The following INPP4B variants were observed in gnomAD, a reference collection of about 807,000 sequenced individuals.
The protein encoded by INPP4B is inositol polyphosphate-4-phosphatase type II B.
In INPP4B, 55 loss-of-function variants were observed where a neutral mutation model predicts 122.5. That is an observed-to-expected ratio of 0.45 (90% CI 0.36 to 0.56). INPP4B has a LOEUF of 0.56. INPP4B is among the 20% of genes least tolerant of loss of function. The pLI, the probability that INPP4B is intolerant of heterozygous loss-of-function variation, is 0.00. For synonymous variants in INPP4B, 403 were observed against 388.7 expected, an observed-to-expected ratio of 1.04 and a Z score of -0.43; for missense variants, 1,000 against 1,097.7, an observed-to-expected ratio of 0.91 and a Z score of 1.26.
At chr4:142,299,144 T>TTTTC (rs1185955339) in intron 9 of INPP4B, among the ~76,000 whole-genome samples, 2 of 146,304 alleles carry the variant, frequency 1.4e-5, no homozygotes, top group African/African-American at 2.6e-5. Flanking sequence ...TTCACTTTTT[T>TTTTC]TTTCTTTCTT....
In INPP4B at chr4:142,545,133, T is replaced by C. The variant is rs1415142887; in HGVS notation, c.-190-82407A>G. 2.0e-5 allele frequency among the ~76,000 whole-genome samples: 3 copies of C among 152,128 alleles called. No individual in the cohort carries two copies. The East Asian group carries it at 5.8e-4, about 29-fold the overall frequency. ...TGTATCTGTGTTAATGTTCCAAGAGTAATTGGTATACAGTATTATAATAAA... is the reference window on the plus strand; with the variant it reads ...TGTATCTGTGTTAATGTTCCAAGAGCAATTGGTATACAGTATTATAATAAA... On this transcript the variant is annotated intron_variant, in intron 2 of 25. Transcript: ENST00000262992.
At chr4:142,702,228 G>C (rs993722841) in intron 2 of INPP4B, among the ~76,000 whole-genome samples, 1 of 151,412 alleles carries the variant, frequency 6.6e-6, no homozygotes, top group Non-Finnish European at 1.5e-5. Context: ...CAAATTGTTT[G>C]TTACAATTGG....
chr4:142,379,662 C>T (rs1482179099), intron 7 of INPP4B, among the ~76,000 whole-genome samples: 5 of 152,162 alleles, frequency 3.3e-5, no homozygotes, highest in Non-Finnish European at 7.4e-5. Flanking sequence ...TATTCCTAGC[C>T]AAAGCAGACT....
intron 2 of INPP4B, among the ~76,000 whole-genome samples, chr4:142,698,728 T>C (rs891857925): frequency 2.0e-5 from 3 of 152,204 alleles, no homozygotes; most frequent in Admixed American, 6.5e-5. Flanking sequence ...AGCTAGTGCA[T>C]TGCTGAAAGG....
At chr4:142,606,541 A>G (rs948599690) in intron 2 of INPP4B, among the ~76,000 whole-genome samples, 1 of 151,982 alleles carries the variant, frequency 6.6e-6, no homozygotes, top group African/African-American at 2.4e-5. Context: ...ATTTTTATAT[A>G]TCAATAAAAG....
At chr4:142,399,015 A>T (rs1800692593) in intron 7 of INPP4B, among the ~76,000 whole-genome samples, 1 of 152,084 alleles carries the variant, frequency 6.6e-6, no homozygotes, top group African/African-American at 2.4e-5. Context: ...ATGGGCAAAA[A>T]TAAAAATAAT....
chr4:142,423,664 C>T (rs1409888479), intron 5 of INPP4B: 1 of 264,140 alleles, frequency 3.8e-6, no homozygotes, highest in East Asian at 1.1e-4. Flanking sequence ...GAATTTTAAT[C>T]ATTAAACTCT....
At chr4:142,492,681 G>A (rs987309440) in intron 2 of INPP4B, among the ~76,000 whole-genome samples, 3 of 152,110 alleles carry the variant, frequency 2.0e-5, no homozygotes, top group African/African-American at 4.8e-5. Context: ...ATAATTTAGG[G>A]TATCTAAGGA....
At chr4:142,642,318 T>G (rs1198611466) in intron 2 of INPP4B, among the ~76,000 whole-genome samples, 1 of 152,340 alleles carries the variant, frequency 6.6e-6, no homozygotes, top group East Asian at 1.9e-4. Context: ...TTGCTTTTGG[T>G]GTTTTAGACA....
chr4:142,688,232 CTA>C (rs1375847175), intron 2 of INPP4B, among the ~76,000 whole-genome samples: 2 of 152,102 alleles, frequency 1.3e-5, no homozygotes, highest in Non-Finnish European at 2.9e-5. Context: ...TAACTGAAGA[CTA>C]TTTCCTTGTC....
At chr4:142,335,552 A>G (rs1032090999) in intron 7 of INPP4B, among the ~76,000 whole-genome samples, 21 of 152,170 alleles carry the variant, frequency 1.4e-4, no homozygotes, top group African/African-American at 4.8e-4. Context: ...TCTAATGGAT[A>G]TTTACATATA....
intron 1 of INPP4B, among the ~76,000 whole-genome samples, chr4:142,755,821 T>G (rs998668665): frequency 6.6e-6 from 1 of 152,084 alleles, no homozygotes; most frequent in African/African-American, 2.4e-5. Context: ...CAATATATAC[T>G]CTTTAAAAAT....
chr4:142,319,979 T>C (rs1271319811), intron 7 of INPP4B, among the ~76,000 whole-genome samples: 2 of 152,212 alleles, frequency 1.3e-5, no homozygotes, highest in African/African-American at 4.8e-5. Flanking sequence ...GCTGGCTGTG[T>C]CCTCATTTGG....
At chr4:142,167,752 A>C (rs917707653) in intron 16 of INPP4B, among the ~76,000 whole-genome samples, 21 of 151,710 alleles carry the variant, frequency 1.4e-4, no homozygotes, top group Non-Finnish European at 1.9e-4. Flanking sequence ...TATATATAAG[A>C]AACATGTTTG....
chr4:142,814,699 T>C (rs1041577177), intron 1 of INPP4B, among the ~76,000 whole-genome samples: 16 of 152,172 alleles, frequency 1.1e-4, no homozygotes, highest in African/African-American at 3.9e-4. Flanking sequence ...ATTCATAAAG[T>C]AGTATGCAAT....
At position 142,591,483 on chromosome 4, in the gene INPP4B, G is replaced by A. The variant is rs554308054; in HGVS notation, c.-190-128757C>T. Among the ~76,000 whole-genome samples the A allele has an allele frequency of 2.0e-4, 31 of 152,016 alleles. No homozygotes were observed. In the South Asian group the frequency reaches 6.2e-3, roughly 31 times the overall value. ...AAATAAATAATTGAATAAATAAATG[G>A]AGAAAGGGCAAATCTTCAGTACACA... On this transcript the variant is annotated intron_variant, in intron 2 of 25. Coordinates refer to ENST00000262992, the MANE Select transcript of INPP4B (RefSeq NM_001101669.3).
intron 21 of INPP4B, among the ~76,000 whole-genome samples, chr4:142,113,336 T>TA (rs74703895): frequency 0.13 from 20,106 of 151,954 alleles, 1,500 homozygotes; most frequent in East Asian, 0.24. Flanking sequence ...TTACATATTT[T>TA]AAAAACTGTC....
intron 12 of INPP4B, among the ~76,000 whole-genome samples, chr4:142,236,954 C>G (rs996964698): frequency 1.3e-5 from 2 of 152,134 alleles, no homozygotes; most frequent in Non-Finnish European, 2.9e-5. Context: ...GATTTAGAAC[C>G]TTAACAGTAT....
chr4:142,440,602 G>A (rs1420367065), intron 3 of INPP4B, among the ~76,000 whole-genome samples: 1 of 152,072 alleles, frequency 6.6e-6, no homozygotes, highest in Non-Finnish European at 1.5e-5. Context: ...TGTTTGGTGT[G>A]GGCTGGGAAA....
Sources: gnomAD v4.1 joint callset for allele counts (sites outside exome capture counted in the v4.1 genomes callset) on GRCh38, gnomAD v4.1.1 for gene constraint, MANE v1.5 for transcripts, NCBI Gene and HGNC (gene_info 2026-07-23, HGNC 2026-07-21) for gene names.